The following WDPCP variants were observed in gnomAD, a reference collection of about 807,000 sequenced individuals.
WDPCP encodes the protein WD repeat containing planar cell polarity effector.
In WDPCP, 71 loss-of-function variants were observed where a neutral mutation model predicts 93.1. That is an observed-to-expected ratio of 0.76 (90% CI 0.63 to 0.93). WDPCP has a LOEUF of 0.93. Ranked by LOEUF, WDPCP falls within the 40% of genes least tolerant of loss-of-function variation. WDPCP has a pLI of 0.00. For synonymous variants in WDPCP, 315 were observed against 315.0 expected, an observed-to-expected ratio of 1.00 and a Z score of 0.00; for missense variants, 844 against 887.4, an observed-to-expected ratio of 0.95 and a Z score of 0.62.
intron 1 of WDPCP, among the ~76,000 whole-genome samples, chr2:63,816,207 CT>C (rs1217107275): frequency 1.3e-5 from 2 of 151,938 alleles, no homozygotes; most frequent in African/African-American, 4.8e-5. Context: ...AACTGTGAGG[CT>C]GAAAACAAAT....
intron 2 of WDPCP, among the ~76,000 whole-genome samples, chr2:63,657,984 G>T (rs1467641738): frequency 6.6e-6 from 1 of 152,024 alleles, no homozygotes; most frequent in Non-Finnish European, 1.5e-5. Flanking sequence ...TTCCTAACTG[G>T]TTTTCCCCCA....
intron 13 of WDPCP, among the ~76,000 whole-genome samples, chr2:63,288,000 T>C (rs1684136481): frequency 1.3e-5 from 2 of 152,224 alleles, no homozygotes; most frequent in Non-Finnish European, 2.9e-5. Context: ...AGCAATTCTA[T>C]GTCAACTTGA....
chr2:63,376,219 A>G (rs1040480304), intron 12 of WDPCP, among the ~76,000 whole-genome samples: 1 of 151,928 alleles, frequency 6.6e-6, no homozygotes, highest in African/African-American at 2.4e-5. Context: ...GAACTAATAA[A>G]ACACTCATTA....
intron 12 of WDPCP, among the ~76,000 whole-genome samples, chr2:63,361,449 T>C (rs1282396498): frequency 6.6e-6 from 1 of 152,194 alleles, no homozygotes; most frequent in African/African-American, 2.4e-5. Flanking sequence ...TTCTTCACTC[T>C]TGGCATAGTG....
intron 1 of WDPCP, among the ~76,000 whole-genome samples, chr2:63,512,349 T>G (rs1575556929): frequency 6.6e-6 from 1 of 152,320 alleles, no homozygotes; most frequent in East Asian, 1.9e-4. Flanking sequence ...CTCAAGGATC[T>G]AGAACTAGAA....
intron 14 of WDPCP, among the ~76,000 whole-genome samples, chr2:63,234,104 A>T (rs1294616855): frequency 6.6e-6 from 1 of 152,216 alleles, no homozygotes; most frequent in East Asian, 1.9e-4. Context: ...AACAGTGTTC[A>T]ACACATTCTC....
In WDPCP at chr2:63,622,408, C is replaced by T. The variant is rs112177277; in HGVS notation, n.488+28251G>A. Reference sequence around the variant, plus strand: ...TGGGCAAGACCAAATTCCTGGACAGCTCTGGAGACACCAAATAAGCTAGAG... The same window carrying T: ...TGGGCAAGACCAAATTCCTGGACAGTTCTGGAGACACCAAATAAGCTAGAG... On this transcript the variant is annotated intron_variant and non_coding_transcript_variant, in intron 3 of 4. Coordinates refer to the WDPCP transcript ENST00000467687. The T allele has an allele frequency of 4.5e-4, 732 of 1,613,814 alleles. 2 individuals are homozygous for T. The African/African-American group carries it at 8.6e-3, about 19-fold the overall frequency.
At chr2:63,838,813 C>T in the WDPCP span, among the ~76,000 whole-genome samples, 1 of 152,152 alleles carries the variant, frequency 6.6e-6, no homozygotes, top group Non-Finnish European at 1.5e-5. Context: ...CCATTAAGAA[C>T]TCCACCTCTT....
At chr2:63,252,963 C>G (rs991663675) in intron 14 of WDPCP, among the ~76,000 whole-genome samples, 2 of 152,220 alleles carry the variant, frequency 1.3e-5, no homozygotes, top group South Asian at 4.2e-4. Flanking sequence ...CAAAGCAATC[C>G]TAAGCATGAA....
At chr2:63,294,246 G>T (rs936553708) in intron 13 of WDPCP, among the ~76,000 whole-genome samples, 3 of 152,188 alleles carry the variant, frequency 2.0e-5, no homozygotes, top group Non-Finnish European at 4.4e-5. Context: ...GCTCATGCCT[G>T]TAATCCCCAC....
intron 2 of WDPCP, among the ~76,000 whole-genome samples, chr2:63,805,670 A>C (rs1341030992): frequency 6.6e-6 from 1 of 152,218 alleles, no homozygotes; most frequent in East Asian, 1.9e-4. Context: ...CCATCTCCTA[A>C]CATTAGGAGG....
chr2:63,743,890 G>A (rs979412506), intron 2 of WDPCP, among the ~76,000 whole-genome samples: 21 of 152,218 alleles, frequency 1.4e-4, no homozygotes, highest in Middle Eastern at 6.8e-3. Context: ...AAACACTTGA[G>A]TAGAAATCAC....
intron 1 of WDPCP, among the ~76,000 whole-genome samples, chr2:63,818,092 AGAGTAATGAAAGAGAATTGGC>A (rs960394874): frequency 2.6e-5 from 4 of 152,230 alleles, no homozygotes; most frequent in Non-Finnish European, 4.4e-5. Flanking sequence ...AGTTCATTAC[AGAGTAATGAAAGAGAATTGGC>A]GAGTAATGAA....
chr2:63,294,044 C>A (rs1376850600), intron 13 of WDPCP, among the ~76,000 whole-genome samples: 1 of 152,182 alleles, frequency 6.6e-6, no homozygotes, highest in Non-Finnish European at 1.5e-5. Flanking sequence ...CTCAAATAAA[C>A]CCACTGTGAG....
chr2:63,504,324 T>TTGTGTGTGTGTGTGTGTG (rs60202196), intron 1 of WDPCP, among the ~76,000 whole-genome samples: 4 of 138,022 alleles, frequency 2.9e-5, no homozygotes, highest in African/African-American at 8.0e-5. Context: ...ACGTACTAAA[T>TTGTGTGTGTGTGTGTGTG]TGTGTGTGTG....
chr2:63,284,210 T>C (rs1683805210), intron 13 of WDPCP, among the ~76,000 whole-genome samples: 1 of 152,224 alleles, frequency 6.6e-6, no homozygotes, highest in African/African-American at 2.4e-5. Flanking sequence ...TGTTGTCATG[T>C]TCTTACACTA....
At chr2:63,382,927 T>C (rs1478506615) in intron 10 of WDPCP, among the ~76,000 whole-genome samples, 1 of 152,140 alleles carries the variant, frequency 6.6e-6, no homozygotes, top group East Asian at 1.9e-4. Flanking sequence ...CAGTCAGGCA[T>C]TGGAAGTCCT....
intron 1 of WDPCP, among the ~76,000 whole-genome samples, chr2:63,554,120 T>C (rs914511106): frequency 4.6e-5 from 7 of 152,240 alleles, no homozygotes; most frequent in African/African-American, 1.7e-4. Flanking sequence ...TTCACTGTTA[T>C]GTCTCTTTGG....
At chr2:63,412,921 C>CA (rs1484255221) in intron 9 of WDPCP, among the ~76,000 whole-genome samples, 3 of 152,120 alleles carry the variant, frequency 2.0e-5, no homozygotes, top group African/African-American at 7.2e-5. Context: ...TGGGTAGAAT[C>CA]AATGTTGTGA....
Sources: gnomAD v4.1 joint callset for allele counts (sites outside exome capture counted in the v4.1 genomes callset) on GRCh38, gnomAD v4.1.1 for gene constraint, MANE v1.5 for transcripts, NCBI Gene and HGNC (gene_info 2026-07-23, HGNC 2026-07-21) for gene names.